Variants in NAT10 observed in about 807,000 individuals in gnomAD.
NAT10 encodes the protein N-acetyltransferase 10, also known as RNA cytidine acetyltransferase.
A neutral mutation model predicts 132.2 loss-of-function variants in NAT10; 109 were observed. The observed-to-expected ratio is 0.82, with a 90% CI of 0.71 to 0.97. The LOEUF is 0.97. NAT10 is among the 50% of genes least tolerant of loss of function. NAT10 has a pLI of 0.00. For missense variants in NAT10, 1,184 were observed against 1,263.4 expected (o/e 0.94, Z 0.95); for synonymous variants, 479 against 478.0 (o/e 1.00, Z -0.03).
rs768392024 is a variant in NAT10 at position 34,132,146 on chromosome 11, C to T, written c.1542C>T (p.Thr514=). The part of the protein sequence containing the change: ...ACELYYVNRD[T]LFCYHKASEV... The stretch of plus-strand genomic sequence containing the variant: ...CCAGGTACTATGTTAATAGAGATAC[C>T]CTCTTTTGCTACCACAAGGCCTCTG... The change falls in exon 15 of 29, where the codon ACC becomes ACT. Residue 514 remains threonine (T), a synonymous_variant. Coordinates refer to ENST00000257829, the MANE Select transcript of NAT10 (RefSeq NM_024662.3). The T allele has an allele frequency of 2.5e-6, 4 of 1,613,686 alleles. No individual in the cohort carries two copies. The South Asian group carries it at 4.4e-5, about 18-fold the overall frequency.
intron 24 of NAT10, 107 bp from the exon 25 acceptor site, chr11:34,140,982 C>A (rs573053144): frequency 6.8e-7 from 1 of 1,473,690 alleles, no homozygotes; most frequent in African/African-American, 1.4e-5. Context: ...TGCTAGTCTA[C>A]CTTTGTACCA....
chr11:34,118,071 C>A, intron 6 of NAT10, 109 bp from the exon 7 acceptor site: 1 of 853,922 alleles, frequency 1.2e-6, no homozygotes, highest in Non-Finnish European at 1.8e-6. Flanking sequence ...CTTTTTCTGG[C>A]TTTCTTAGAG....
chr11:34,139,799 A>T (rs1203630204), intron 23 of NAT10, among the ~76,000 whole-genome samples: 1 of 152,082 alleles, frequency 6.6e-6, no homozygotes, highest in African/African-American at 2.4e-5. Context: ...TCCATCTCTG[A>T]GGTTTAGTTT....
At position 34,131,420 on chromosome 11, in the gene NAT10, G is replaced by A; in HGVS notation, c.1409G>A (p.Arg470Gln). ...LYEVSLQESIRYAPGDAVEKW... is the reference protein window; with the variant it reads ...LYEVSLQESIQYAPGDAVEKW... ...GAGGTTTCCCTCCAGGAGTCAATCCGATACGCCCCTGGGGATGCAGTGGAG... is the reference window on the plus strand; with the variant it reads ...GAGGTTTCCCTCCAGGAGTCAATCCAATACGCCCCTGGGGATGCAGTGGAG... The change falls in exon 14 of 29, where the codon CGA (arginine) becomes CAA (glutamine). Residue 470 changes from arginine to glutamine, a missense_variant. Coordinates refer to ENST00000257829, the MANE Select transcript of NAT10 (RefSeq NM_024662.3). 1 of 1,614,152 alleles carries A rather than the reference G, an allele frequency of 6.2e-7. No homozygotes were observed. The highest frequency in any genetic ancestry group is 8.5e-7 in the Non-Finnish European group (1 of 1,180,022).
chr11:34,115,731 C>T lies in NAT10; in HGVS notation c.496-92C>T. On this transcript the variant is annotated intron_variant, in intron 5 of 28. Transcript: ENST00000257829. ...GTGATTTTGTTTCCAGCAAGATTGCCCATGTCTCCTTGGATAGAGCTTTGT... is the reference window on the plus strand; with the variant it reads ...GTGATTTTGTTTCCAGCAAGATTGCTCATGTCTCCTTGGATAGAGCTTTGT... 4 of 1,273,746 alleles carry T rather than the reference C, an allele frequency of 3.1e-6. No individual in the cohort carries two copies. The South Asian group carries it at 5.3e-5, about 17-fold the overall frequency. 78.9% of individuals were successfully genotyped at this position (1,273,746 alleles called of 1,614,324 possible).
rs1590781386 is a variant in NAT10, at chr11:34,139,127, A to G, written c.2212-64A>G. The G allele has an allele frequency of 7.7e-6, 11 of 1,424,312 alleles. No homozygotes were observed. The East Asian group carries it at 9.2e-5, about 12-fold the overall frequency. 88.2% of individuals were successfully genotyped at this position (1,424,312 alleles called of 1,614,324 possible). ...TTTCTTCTCTGAGTGTTTACCCTTC[A>G]TCAATGATGGGTTATTCAAAAAAAG... On this transcript the variant is annotated intron_variant, in intron 21 of 28. Transcript: ENST00000257829.
At position 34,114,011 on chromosome 11, in the gene NAT10, A is replaced by G. The variant is rs189781635; in HGVS notation, c.495+173A>G. Among the ~76,000 whole-genome samples the G allele has an allele frequency of 2.6e-5, 4 of 152,342 alleles. No individual in the cohort carries two copies. In the East Asian group the frequency reaches 7.7e-4, roughly 29 times the overall value. ...GAAAAAGTCACTACAGTTAAATCTC[A>G]GGGTCCATGAGTATGCCTAGGAATC... On this transcript the variant is annotated intron_variant, in intron 5 of 28. Transcript: ENST00000257829.
At chr11:34,128,163 G>C (rs1035812958) in intron 12 of NAT10, among the ~76,000 whole-genome samples, 106 of 152,184 alleles carry the variant, frequency 7.0e-4, no homozygotes, top group African/African-American at 2.4e-3. Flanking sequence ...AGACCAGCCT[G>C]ACCAACATGG....
chr11:34,126,023 G>A (rs1348718489), intron 11 of NAT10, among the ~76,000 whole-genome samples: 1 of 152,090 alleles, frequency 6.6e-6, no homozygotes, highest in African/African-American at 2.4e-5. Context: ...CGCCTCCCTG[G>A]CCCATCAGCT....
At chr11:34,108,687 GC>G in intron 2 of NAT10, 54 bp from the exon 3 acceptor site, 6 of 1,506,012 alleles carry the variant, frequency 4.0e-6, no homozygotes, top group Non-Finnish European at 5.5e-6. Context: ...CTTAAGCCTG[GC>G]GGTCTCTAAA....
intron 5 of NAT10, 81 bp downstream of exon 5, chr11:34,113,919 C>T (rs1294400650): frequency 1.0e-5 from 16 of 1,543,270 alleles, no homozygotes; most frequent in African/African-American, 1.4e-5. Flanking sequence ...TAAAGAATTC[C>T]TGTTGGGCAG....
In NAT10 at chr11:34,140,531, C is replaced by T. The variant is rs1329369124; in HGVS notation, c.2551C>T (p.Leu851=). The T allele has an allele frequency of 5.0e-6, 8 of 1,614,200 alleles. No homozygotes were observed. Among genetic ancestry groups the T allele is most frequent in the Non-Finnish European group, 5.9e-6 (7 of 1,180,030 alleles). ...MIPAISRIYF[L]NQLGDLALSA... ...CCCGGCCATCTCTCGCATCTATTTCCTGAACCAGCTGGGGGACCTGGCCCT... is the reference window on the plus strand; with the variant it reads ...CCCGGCCATCTCTCGCATCTATTTCTTGAACCAGCTGGGGGACCTGGCCCT... The change falls in exon 24 of 29, where the codon CTG becomes TTG. Residue 851 remains leucine, a synonymous_variant. Coordinates refer to ENST00000257829, the MANE Select transcript of NAT10 (RefSeq NM_024662.3).
chr11:34,137,118 C>A, intron 21 of NAT10, 92 bp downstream of exon 21: 2 of 1,359,074 alleles, frequency 1.5e-6, no homozygotes, highest in Non-Finnish European at 2.1e-6. Context: ...TGCCTCCCTG[C>A]TGCATCGCTC....
intron 12 of NAT10, among the ~76,000 whole-genome samples, chr11:34,128,362 C>CAA (rs914837839): frequency 4.5e-5 from 3 of 67,238 alleles, no homozygotes; most frequent in South Asian, 4.4e-4. Flanking sequence ...AAAAACAAAA[C>CAA]AAAAAAAAAA....
rs569801712 is a variant in NAT10 at position 34,112,176 on chromosome 11, G to A, written c.325G>A (p.Glu109Lys). Residue 109 changes from glutamate (E) to lysine (K), a missense_variant, in exon 4 of 29, where the codon GAG becomes AAG. Glu to Lys is a moderately conservative substitution (Grantham distance 56). Transcript: ENST00000257829. The part of the protein sequence containing the change: ...ATNIRYCYYN[E>K]THKILGNTFG... Reference sequence around the variant, plus strand: ...AAACATTCGCTACTGCTACTACAACGAGACCCACAAGATCCTGGGCAATAC... The same window carrying A: ...AAACATTCGCTACTGCTACTACAACAAGACCCACAAGATCCTGGGCAATAC... 3.1e-6 allele frequency: 5 copies of A among 1,614,166 alleles called. No individual in the cohort carries two copies. Among genetic ancestry groups the A allele is most frequent in the Admixed American group, 1.7e-5 (1 of 60,024 alleles).
At chr11:34,141,682 C>T (rs973432471) in intron 25 of NAT10, 37 bp from the exon 26 acceptor site, 4 of 1,599,666 alleles carry the variant, frequency 2.5e-6, no homozygotes, top group African/African-American at 1.3e-5. Context: ...CCTGCTGCTC[C>T]TTCATCTTCT....
chr11:34,120,340 C>T (rs898830895), intron 8 of NAT10, among the ~76,000 whole-genome samples: 18 of 152,120 alleles, frequency 1.2e-4, no homozygotes, highest in African/African-American at 2.9e-4. Context: ...AAAATACAGC[C>T]TTCAGGCAAG....
intron 24 of NAT10, 39 bp from the exon 25 acceptor site, chr11:34,141,050 T>G: frequency 6.2e-7 from 1 of 1,613,464 alleles, no homozygotes. Flanking sequence ...GGCAAGGGCG[T>G]GTCCTAGAGG....
At chr11:34,137,178 A>G in intron 21 of NAT10, 152 bp downstream of exon 21, 1 of 776,556 alleles carries the variant, frequency 1.3e-6, no homozygotes, top group South Asian at 1.5e-5. Context: ...GGACATGGAA[A>G]CAGCCATCCT....
Sources: gnomAD v4.1 joint callset for allele counts (sites outside exome capture counted in the v4.1 genomes callset) on GRCh38, gnomAD v4.1.1 for gene constraint, MANE v1.5 for transcripts, NCBI Gene and HGNC (gene_info 2026-07-23, HGNC 2026-07-21) for gene names.